Variants in TANGO6 observed in about 807,000 individuals in gnomAD.
TANGO6 encodes the protein transport and Golgi organization protein 6 homolog.
A neutral mutation model predicts 114.2 loss-of-function variants in TANGO6; 90 were observed. The observed-to-expected ratio is 0.79, with a 90% CI of 0.66 to 0.94. TANGO6 has a LOEUF of 0.94. Among genes scored for constraint, TANGO6 ranks in the 40% least tolerant of loss-of-function variants. The pLI is 0.00. For missense variants in TANGO6, 1,274 were observed against 1,315.3 expected (o/e 0.97, Z 0.49); for synonymous variants, 477 against 509.8 (o/e 0.94, Z 0.87).
chr16:68,875,721 A>T (rs1476707791), intron 5 of TANGO6, among the ~76,000 whole-genome samples: 1 of 151,482 alleles, frequency 6.6e-6, no homozygotes, highest in East Asian at 1.9e-4. Context: ...GTGAGCCGAG[A>T]TTGAGCCATT....
intron 17 of TANGO6, among the ~76,000 whole-genome samples, chr16:69,072,074 GAGGGAGAC>G (rs1567570618): frequency 8.5e-6 from 1 of 117,338 alleles, no homozygotes; most frequent in African/African-American, 3.7e-5. Flanking sequence ...TGTGTAGAGA[GAGGGAGAC>G]CGTGTGTGTG....
chr16:68,881,694 T>C (rs907787393), intron 7 of TANGO6, among the ~76,000 whole-genome samples: 1 of 152,216 alleles, frequency 6.6e-6, no homozygotes, highest in Admixed American at 6.5e-5. Flanking sequence ...AATGAAAATT[T>C]GCTTTTCTAT....
chr16:69,041,213 G>A (rs1427126876), intron 17 of TANGO6, among the ~76,000 whole-genome samples: 4 of 152,010 alleles, frequency 2.6e-5, no homozygotes, highest in East Asian at 1.9e-4. Flanking sequence ...TTAGGAGGCC[G>A]AGGCAGGCGG....
At chr16:68,980,409 C>CTCTA (rs1408626276) in intron 15 of TANGO6, among the ~76,000 whole-genome samples, 32 of 67,974 alleles carry the variant, frequency 4.7e-4, no homozygotes, top group East Asian at 1.6e-3. Flanking sequence ...CTCTCTCTCT[C>CTCTA]TATATATATA....
intron 9 of TANGO6, among the ~76,000 whole-genome samples, chr16:68,905,466 G>GT (rs1218024790): frequency 6.6e-6 from 1 of 151,686 alleles, no homozygotes; most frequent in African/African-American, 2.4e-5. Context: ...AACCCAGGAG[G>GT]TGGAGGTTGC....
intron 7 of TANGO6, among the ~76,000 whole-genome samples, chr16:68,882,829 T>C (rs1009379717): frequency 2.6e-5 from 4 of 152,010 alleles, no homozygotes; most frequent in African/African-American, 4.8e-5. Flanking sequence ...CCATCCTGAC[T>C]AACATGGTGA....
At position 68,860,050 on chromosome 16, in the gene TANGO6, T is replaced by G. The variant is rs4597312; in HGVS notation, c.261T>G (p.Ser87=). ...IADKAEWPQN[S]VDVTWSFTSQ... is the part of the protein sequence containing the mutation. Reference sequence around the variant, plus strand: ...ATAAGGCAGAATGGCCACAAAACTCTGTGGATGTCACTTGGAGTTTTACCT... The same window carrying G: ...ATAAGGCAGAATGGCCACAAAACTCGGTGGATGTCACTTGGAGTTTTACCT... The change falls in exon 2 of 18, where the codon TCT becomes TCG. Residue 87 remains serine (S), a synonymous_variant. Coordinates refer to ENST00000261778, the MANE Select transcript of TANGO6 (RefSeq NM_024562.2). 1.2e-6 allele frequency: 2 copies of G among 1,613,894 alleles called. No homozygotes were observed. The highest frequency in any genetic ancestry group is 1.7e-6 in the Non-Finnish European group (2 of 1,179,882).
intron 9 of TANGO6, among the ~76,000 whole-genome samples, chr16:68,903,676 C>A (rs1962813882): frequency 6.7e-6 from 1 of 149,132 alleles, no homozygotes; most frequent in African/African-American, 2.5e-5. Flanking sequence ...AATCCCAGCA[C>A]TTTGGGAGGC....
chr16:68,916,451 C>A, intron 11 of TANGO6, among the ~76,000 whole-genome samples: 1 of 151,932 alleles, frequency 6.6e-6, no homozygotes, highest in African/African-American at 2.4e-5. Flanking sequence ...TTCCCCGCCC[C>A]TCTCCCCCTC....
chr16:68,988,084 C>G (rs904256202), intron 15 of TANGO6, among the ~76,000 whole-genome samples: 1 of 152,162 alleles, frequency 6.6e-6, no homozygotes, highest in Non-Finnish European at 1.5e-5. Flanking sequence ...AACTGTCACC[C>G]TAGTTATCTG....
intron 1 of TANGO6, among the ~76,000 whole-genome samples, chr16:68,844,020 G>C (rs1364379264): frequency 2.0e-5 from 3 of 152,164 alleles, no homozygotes; most frequent in Non-Finnish European, 4.4e-5. Flanking sequence ...CTCTTGGGAG[G>C]GGGATATGGA....
At chr16:68,855,626 T>A (rs1321833759) in intron 1 of TANGO6, among the ~76,000 whole-genome samples, 2 of 151,948 alleles carry the variant, frequency 1.3e-5, no homozygotes, top group Non-Finnish European at 2.9e-5. Context: ...GGTGCATGCC[T>A]GTAATCCCAG....
chr16:68,960,584 C>A (rs1963579078), intron 14 of TANGO6, among the ~76,000 whole-genome samples: 1 of 152,074 alleles, frequency 6.6e-6, no homozygotes, highest in Non-Finnish European at 1.5e-5. Flanking sequence ...CTCACTGCAA[C>A]CTCTTCCTCC....
rs1212663316 is a variant in TANGO6 at position 68,967,492 on chromosome 16, ATGT to A, written c.2702-6531_2702-6529del. ...GGGGGTTGGGGACCCCTGTTTTAGA[ATGT>A]TGTTATCACCCCAGAAAGAAATTTC... On this transcript the variant is annotated intron_variant, in intron 14 of 17. Coordinates refer to ENST00000261778, the MANE Select transcript of TANGO6 (RefSeq NM_024562.2). Among the ~76,000 whole-genome samples, 8 of 152,264 alleles carry A rather than the reference ATGT, an allele frequency of 5.3e-5. No homozygotes were observed. In the East Asian group the frequency reaches 9.7e-4, roughly 18 times the overall value.
chr16:68,874,245 A>G (rs986475055), intron 4 of TANGO6, among the ~76,000 whole-genome samples: 1 of 151,972 alleles, frequency 6.6e-6, no homozygotes, highest in African/African-American at 2.4e-5. Context: ...GCCTCCCTGA[A>G]CTCTGAACTA....
Position 68,951,242 on chromosome 16 carries a change from G to A in TANGO6, c.2701+20947G>A, listed in dbSNP as rs531690657. Reference sequence around the variant, plus strand: ...GGAGGCTGAAGTGGGAGAATCACTTGAGCCCAAGAGGTCAAGACTGCAGCA... The same window carrying A: ...GGAGGCTGAAGTGGGAGAATCACTTAAGCCCAAGAGGTCAAGACTGCAGCA... On this transcript the variant is annotated intron_variant, in intron 14 of 17. Coordinates refer to ENST00000261778, the MANE Select transcript of TANGO6 (RefSeq NM_024562.2). Among the ~76,000 whole-genome samples the A allele has an allele frequency of 8.6e-4, 129 of 149,936 alleles. 3 individuals are homozygous for A. In the South Asian group the frequency reaches 0.027, roughly 31 times the overall value.
intron 16 of TANGO6, among the ~76,000 whole-genome samples, chr16:69,036,574 G>T (rs956097145): frequency 2.6e-5 from 4 of 152,116 alleles, no homozygotes; most frequent in Non-Finnish European, 4.4e-5. Flanking sequence ...CTAACAGCCC[G>T]TAGCAAGCAG....
At position 69,083,757 on chromosome 16, in the gene TANGO6, T is replaced by C; in HGVS notation, c.*96T>C. 7.4e-7 allele frequency: 1 copy of C among 1,351,216 alleles called. No individual in the cohort carries two copies. Among genetic ancestry groups the C allele is most frequent in the Non-Finnish European group, 1.0e-6 (1 of 1,003,188 alleles). The allele number at this position is 1,351,216 out of a possible 1,614,324, so 83.7% of individuals were successfully genotyped here. A position where few individuals can be genotyped will look rare whatever the true frequency, so the allele number is the denominator to read the frequency against. On this transcript the variant is annotated 3_prime_UTR_variant, in exon 18 of 18. Coordinates refer to ENST00000261778, the MANE Select transcript of TANGO6 (RefSeq NM_024562.2). The stretch of plus-strand genomic sequence containing the variant: ...GGTGGCCCTGCTGCCTCTTGAGTGC[T>C]GGCAGCATGGCTGACCCTCGGGGTG...
chr16:68,879,688 C>T (rs1962426452), intron 6 of TANGO6, among the ~76,000 whole-genome samples: 1 of 150,334 alleles, frequency 6.7e-6, no homozygotes, highest in Non-Finnish European at 1.5e-5. Context: ...ATGATCTCGG[C>T]TCACTGCAAG....
Sources: gnomAD v4.1 joint callset for allele counts (sites outside exome capture counted in the v4.1 genomes callset) on GRCh38, gnomAD v4.1.1 for gene constraint, MANE v1.5 for transcripts, NCBI Gene and HGNC (gene_info 2026-07-23, HGNC 2026-07-21) for gene names.